NPSR1: variants seen among roughly 807,000 people sequenced by gnomAD.
The protein encoded by NPSR1 is neuropeptide S receptor 1, also known as neuropeptide S receptor.
A neutral mutation model predicts 46.9 loss-of-function variants in NPSR1; 48 were observed. The observed-to-expected ratio is 1.02, with a 90% CI of 0.81 to 1.30. NPSR1 has a LOEUF of 1.30. Ranked by LOEUF, NPSR1 falls within the 50% of genes most tolerant of loss-of-function variation. The probability of loss-of-function intolerance (pLI) is 0.00; values close to 1 mark genes in which losing one functional copy is unlikely to be tolerated. For missense variants in NPSR1, 450 were observed against 449.5 expected (o/e 1.00, Z -0.01); for synonymous variants, 176 against 168.1 (o/e 1.05, Z -0.36).
chr7:34,792,400 A>T (rs1263982783), intron 3 of NPSR1, among the ~76,000 whole-genome samples: 1 of 146,844 alleles, frequency 6.8e-6, no homozygotes, highest in East Asian at 2.1e-4. Context: ...TGGCTCACGC[A>T]TATAGTCCTA....
downstream of NPSR1, among the ~76,000 whole-genome samples, chr7:34,850,224 A>G (rs1790892554): frequency 6.6e-6 from 1 of 152,170 alleles, no homozygotes; most frequent in Non-Finnish European, 1.5e-5. Flanking sequence ...AGCCAAGTGC[A>G]TCTCCTATTC....
intron 5 of NPSR1, among the ~76,000 whole-genome samples, chr7:34,831,313 T>TCACACACA (rs34669905): frequency 2.0e-4 from 29 of 148,178 alleles, no homozygotes; most frequent in African/African-American, 6.7e-4. Flanking sequence ...CTCACACACA[T>TCACACACA]CACACACACA....
intron 8 of NPSR1, among the ~76,000 whole-genome samples, chr7:34,875,228 C>G (rs1485410899): frequency 6.6e-6 from 1 of 152,232 alleles, no homozygotes; most frequent in Non-Finnish European, 1.5e-5. Flanking sequence ...AGTGACCATA[C>G]TGAGCAAGTT....
chr7:34,867,613 C>G (rs1249581574), intron 8 of NPSR1, among the ~76,000 whole-genome samples: 1 of 151,838 alleles, frequency 6.6e-6, no homozygotes, highest in Non-Finnish European at 1.5e-5. Flanking sequence ...CATCTTTCTT[C>G]CTGAAGATTT....
downstream of NPSR1, among the ~76,000 whole-genome samples, chr7:34,854,065 A>G (rs140432829): frequency 2.4e-4 from 37 of 152,368 alleles, no homozygotes; most frequent in East Asian, 6.7e-3. Flanking sequence ...AGTTCCTTGA[A>G]TTATCTTGCA....
chr7:34,837,454 T>C (rs1005678830), intron 6 of NPSR1, among the ~76,000 whole-genome samples: 1 of 152,254 alleles, frequency 6.6e-6, no homozygotes, highest in African/African-American at 2.4e-5. Context: ...TGCTAGGTCC[T>C]TTCCTTGTGT....
chr7:34,835,839 C>T (rs183177585), intron 6 of NPSR1, among the ~76,000 whole-genome samples: 3 of 152,330 alleles, frequency 2.0e-5, no homozygotes, highest in East Asian at 3.9e-4. Context: ...ACAGTAGAAT[C>T]GCCTGGGGAG....
intron 2 of NPSR1, among the ~76,000 whole-genome samples, chr7:34,687,712 C>A (rs906065959): frequency 6.6e-6 from 1 of 152,144 alleles, no homozygotes; most frequent in Non-Finnish European, 1.5e-5. Flanking sequence ...CAAACCATAT[C>A]ATATATTATG....
chr7:34,836,402 C>T (rs10249085), intron 6 of NPSR1, among the ~76,000 whole-genome samples: 57,524 of 151,786 alleles, frequency 0.38, 11,232 homozygotes, highest in African/African-American at 0.44. Flanking sequence ...ACAGAAATGC[C>T]AAAGGAAACC....
At position 34,716,982 on chromosome 7, in the gene NPSR1, G is replaced by T. The variant is rs369706619; in HGVS notation, c.280+32298G>T. Among the ~76,000 whole-genome samples the T allele has an allele frequency of 5.9e-5, 9 of 152,254 alleles. No homozygotes were observed. The South Asian group carries it at 8.3e-4, about 14-fold the overall frequency. ...GAGGTGAAGAAGCGAGGCAGTGCCT[G>T]CTTTGGAATGCTTTAATAAACACCA... On this transcript the variant is annotated intron_variant, in intron 2 of 8. Transcript: ENST00000360581.
chr7:34,739,942 G>C (rs149652125), intron 2 of NPSR1, among the ~76,000 whole-genome samples: 1 of 152,206 alleles, frequency 6.6e-6, no homozygotes, highest in Non-Finnish European at 1.5e-5. Context: ...GGGAGGATCA[G>C]GTGGTGGGCA....
intron 8 of NPSR1, among the ~76,000 whole-genome samples, chr7:34,860,121 T>C (rs1791154554): frequency 6.6e-6 from 1 of 151,834 alleles, no homozygotes; most frequent in Non-Finnish European, 1.5e-5. Context: ...AATGTAGTTA[T>C]GCATGCATAT....
downstream of NPSR1, among the ~76,000 whole-genome samples, chr7:34,850,398 CTTTTT>C: frequency 8.8e-6 from 1 of 113,048 alleles, no homozygotes; most frequent in South Asian, 2.9e-4. Flanking sequence ...TCCTTGAGGC[CTTTTT>C]TTTTTTTTTT....
intron 2 of NPSR1, among the ~76,000 whole-genome samples, chr7:34,705,300 G>A (rs569562599): frequency 6.6e-5 from 10 of 151,962 alleles, no homozygotes; most frequent in African/African-American, 1.7e-4. Flanking sequence ...GATGGTGCAC[G>A]CCCGTAATAC....
chr7:34,786,912 A>C (rs149511740), intron 3 of NPSR1, among the ~76,000 whole-genome samples: 1 of 152,106 alleles, frequency 6.6e-6, no homozygotes, highest in African/African-American at 2.4e-5. Context: ...GCACAGGCAC[A>C]GTAGATTAGT....
chr7:34,734,753 C>T (rs1784588967), intron 2 of NPSR1, among the ~76,000 whole-genome samples: 1 of 152,152 alleles, frequency 6.6e-6, no homozygotes, highest in Non-Finnish European at 1.5e-5. Flanking sequence ...TGAGATGGAG[C>T]GAGTGTCCTC....
At chr7:34,865,029 C>T (rs1163704783) in intron 8 of NPSR1, among the ~76,000 whole-genome samples, 1 of 151,794 alleles carries the variant, frequency 6.6e-6, no homozygotes. Context: ...AAAAATTTCT[C>T]AAGTGTGTTT....
intron 3 of NPSR1, among the ~76,000 whole-genome samples, chr7:34,802,025 T>G (rs1416909190): frequency 6.7e-6 from 1 of 149,248 alleles, no homozygotes; most frequent in Non-Finnish European, 1.5e-5. Flanking sequence ...GAAGGACCTC[T>G]TCAAGGAGAA....
intron 1 of NPSR1, among the ~76,000 whole-genome samples, chr7:34,664,937 A>C (rs1307233468): frequency 6.6e-6 from 1 of 152,096 alleles, no homozygotes; most frequent in Non-Finnish European, 1.5e-5. Context: ...AAAATGATAG[A>C]TCTATTACTC....
Sources: allele counts gnomAD v4.1 joint callset (sites outside exome capture counted in the v4.1 genomes callset), GRCh38; gene constraint gnomAD v4.1.1; transcripts MANE v1.5; gene names NCBI Gene and HGNC (gene_info 2026-07-23, HGNC 2026-07-21).